Variants in TCERG1L observed in about 807,000 individuals in gnomAD.
TCERG1L encodes the protein transcription elongation regulator 1-like protein.
A neutral mutation model predicts 56.3 loss-of-function variants in TCERG1L; 37 were observed. The ratio of observed to expected loss-of-function variants is 0.66; its 90% CI spans 0.51 to 0.87. TCERG1L has a LOEUF of 0.87. Ranked by LOEUF, TCERG1L falls within the 40% of genes least tolerant of loss-of-function variation. The pLI is 0.00. For synonymous variants in TCERG1L, 324 were observed against 326.3 expected, an observed-to-expected ratio of 0.99 and a Z score of 0.08; for missense variants, 799 against 774.2, an observed-to-expected ratio of 1.03 and a Z score of -0.38.
intron 3 of TCERG1L, among the ~76,000 whole-genome samples, chr10:131,273,136 C>T (rs1846356249): frequency 6.6e-6 from 1 of 152,206 alleles, no homozygotes; most frequent in South Asian, 2.1e-4. Context: ...CCCCGCATCC[C>T]TTCCATTACC....
At chr10:131,298,721 T>A (rs1431138046) in intron 3 of TCERG1L, among the ~76,000 whole-genome samples, 1 of 152,230 alleles carries the variant, frequency 6.6e-6, no homozygotes, top group Non-Finnish European at 1.5e-5. Flanking sequence ...GCCCTACTTT[T>A]AATTATTTAA....
At chr10:131,268,563 A>G (rs968907502) in intron 3 of TCERG1L, among the ~76,000 whole-genome samples, 3 of 151,986 alleles carry the variant, frequency 2.0e-5, no homozygotes, top group African/African-American at 7.2e-5. Context: ...AAAGTCCTAG[A>G]CGGCATCTTC....
At chr10:131,295,626 G>A (rs982835553) in intron 3 of TCERG1L, among the ~76,000 whole-genome samples, 7 of 152,136 alleles carry the variant, frequency 4.6e-5, no homozygotes, top group Non-Finnish European at 8.8e-5. Flanking sequence ...ACATATTCCT[G>A]GGGTATATAG....
At chr10:131,110,158 T>A (rs1277367653) in intron 9 of TCERG1L, among the ~76,000 whole-genome samples, 1 of 152,142 alleles carries the variant, frequency 6.6e-6, no homozygotes, top group Non-Finnish European at 1.5e-5. Context: ...GTTTTCAACA[T>A]CCTCTCAGTG....
intron 3 of TCERG1L, among the ~76,000 whole-genome samples, chr10:131,283,577 T>C (rs774886166): frequency 6.6e-6 from 1 of 152,108 alleles, no homozygotes; most frequent in Non-Finnish European, 1.5e-5. Context: ...ATTAGAGATA[T>C]AAGAATTTTC....
Position 131,260,168 on chromosome 10 carries a change from C to A in TCERG1L, c.856+91G>T, listed in dbSNP as rs113201672. 35 of 1,244,680 alleles carry A rather than the reference C, an allele frequency of 2.8e-5. No homozygotes were observed. The African/African-American group carries it at 2.9e-4, about 10-fold the overall frequency. 77.1% of individuals were successfully genotyped at this position (1,244,680 alleles called of 1,614,324 possible). A position where few individuals can be genotyped will look rare whatever the true frequency, so the allele number is the denominator to read the frequency against. The stretch of plus-strand genomic sequence containing the variant: ...CGGAGCCGGGCTTCAGGTCCCACAG[C>A]GCCTGGGCCCAGGCCAGGGGCATCT... On this transcript the variant is annotated intron_variant, in intron 4 of 11. Transcript: ENST00000368642. The surrounding 1 kb of genome is among the most constrained non-coding windows in gnomAD (Gnocchi z 5.8).
intron 4 of TCERG1L, among the ~76,000 whole-genome samples, chr10:131,188,306 C>T (rs557080999): frequency 1.2e-4 from 18 of 152,268 alleles, no homozygotes; most frequent in East Asian, 9.7e-4. Flanking sequence ...ACAGTAAAAA[C>T]GGGCACGCGC....
intron 4 of TCERG1L, among the ~76,000 whole-genome samples, chr10:131,194,933 T>C (rs1468015419): frequency 2.6e-5 from 4 of 152,238 alleles, no homozygotes; most frequent in Non-Finnish European, 5.9e-5. Context: ...CAATAAATAC[T>C]GCTGGTAAGA....
At chr10:131,258,397 G>A (rs2133540762) in intron 4 of TCERG1L, among the ~76,000 whole-genome samples, 1 of 152,316 alleles carries the variant, frequency 6.6e-6, no homozygotes, top group South Asian at 2.1e-4. Context: ...TCCAGAGGAG[G>A]CCGCCAGGGC....
At chr10:131,202,979 G>C (rs1845459028) in intron 4 of TCERG1L, among the ~76,000 whole-genome samples, 1 of 152,232 alleles carries the variant, frequency 6.6e-6, no homozygotes, top group Admixed American at 6.5e-5. Flanking sequence ...CTAAGTGGAA[G>C]TTTGAGTGAA....
At chr10:131,239,025 T>A (rs993752127) in intron 4 of TCERG1L, among the ~76,000 whole-genome samples, 5 of 152,002 alleles carry the variant, frequency 3.3e-5, no homozygotes, top group Non-Finnish European at 5.9e-5. Context: ...AAGCCCCAAG[T>A]AGCACGTGTG....
intron 4 of TCERG1L, among the ~76,000 whole-genome samples, chr10:131,170,724 GTACT>G (rs1407658236): frequency 6.6e-6 from 1 of 152,194 alleles, no homozygotes; most frequent in African/African-American, 2.4e-5. Context: ...GTGAGAGGAA[GTACT>G]GTGAGCAATT....
At chr10:131,189,005 C>A (rs555886653) in intron 4 of TCERG1L, among the ~76,000 whole-genome samples, 48 of 152,112 alleles carry the variant, frequency 3.2e-4, no homozygotes, top group Middle Eastern at 6.8e-3. Flanking sequence ...AGTAATATAT[C>A]TTTGAGATAC....
chr10:131,162,717 G>C (rs1052646273), intron 6 of TCERG1L: 1 of 159,628 alleles, frequency 6.3e-6, no homozygotes, highest in Non-Finnish European at 1.4e-5. Flanking sequence ...TATTCCGAGA[G>C]CAAGCAGCCA....
chr10:131,216,649 GA>G (rs1039042355), intron 4 of TCERG1L, among the ~76,000 whole-genome samples: 1 of 152,166 alleles, frequency 6.6e-6, no homozygotes, highest in African/African-American at 2.4e-5. Flanking sequence ...TTGGAGAGGG[GA>G]TTAAACATAG....
At chr10:131,147,824 C>T (rs1380452153) in intron 6 of TCERG1L, among the ~76,000 whole-genome samples, 1 of 152,256 alleles carries the variant, frequency 6.6e-6, no homozygotes, top group Non-Finnish European at 1.5e-5. Context: ...CCACTCACGC[C>T]TCACTCCCGC....
Position 131,118,516 on chromosome 10 carries a change from T to C in TCERG1L, c.1260-1582A>G, listed in dbSNP as rs1462567444. ...ACGGTCCTGCTAAACTGATTAGCCA[T>C]AGTCTTCCCTACCCTTCCCTTAATC... On this transcript the variant is annotated intron_variant, in intron 8 of 11. Coordinates refer to ENST00000368642, the MANE Select transcript of TCERG1L (RefSeq NM_174937.4). This position sits in a 1 kb window ranked among gnomAD's most constrained non-coding sequence, Gnocchi z 4.2. Among the ~76,000 whole-genome samples, 1 of 152,134 alleles carries C rather than the reference T, an allele frequency of 6.6e-6. No individual in the cohort carries two copies. The highest frequency in any genetic ancestry group is 1.5e-5 in the Non-Finnish European group (1 of 68,026).
intron 4 of TCERG1L, among the ~76,000 whole-genome samples, chr10:131,242,109 G>A (rs1845980117): frequency 6.6e-6 from 1 of 152,206 alleles, no homozygotes; most frequent in Non-Finnish European, 1.5e-5. Flanking sequence ...TTATTAGGAG[G>A]TTGTTTCTGG....
chr10:131,210,295 C>T (rs574678148), intron 4 of TCERG1L, among the ~76,000 whole-genome samples: 1 of 152,330 alleles, frequency 6.6e-6, no homozygotes, highest in South Asian at 2.1e-4. Context: ...AGCTCAAGGA[C>T]CAAGGCCACT....
Sources: gnomAD v4.1 joint callset for allele counts (sites outside exome capture counted in the v4.1 genomes callset) on GRCh38, gnomAD v4.1.1 for gene constraint, Gnocchi (gnomAD v3.1) non-coding constraint, MANE v1.5 for transcripts, NCBI Gene and HGNC (gene_info 2026-07-23, HGNC 2026-07-21) for gene names.